The following STX8 variants were observed in gnomAD, a reference collection of about 807,000 sequenced individuals.
STX8 encodes syntaxin 8.
Under a neutral mutation model 37.5 loss-of-function variants are expected in STX8, and 23 were observed. The observed-to-expected ratio is 0.61, with a 90% CI of 0.44 to 0.87. STX8 has a LOEUF of 0.87. Among genes scored for constraint, STX8 ranks in the 40% least tolerant of loss-of-function variants. The pLI is 0.00. For synonymous variants in STX8, 115 were observed against 99.1 expected, an observed-to-expected ratio of 1.16 and a Z score of -0.95; for missense variants, 313 against 284.7, an observed-to-expected ratio of 1.10 and a Z score of -0.71.
chr17:9,561,818 A>C (rs1008795195), intron 2 of STX8, among the ~76,000 whole-genome samples: 1 of 152,188 alleles, frequency 6.6e-6, no homozygotes. Context: ...TATGTGTTCA[A>C]AAGGCTTAAA....
At chr17:9,406,616 A>G (rs78538156) in intron 6 of STX8, among the ~76,000 whole-genome samples, 2,179 of 152,314 alleles carry the variant, frequency 0.014, 57 homozygotes, top group African/African-American at 0.05. Flanking sequence ...GTTTTGATAA[A>G]TTTTAACTTT....
At chr17:9,347,630 C>A (rs1910577642) in intron 7 of STX8, among the ~76,000 whole-genome samples, 1 of 152,162 alleles carries the variant, frequency 6.6e-6, no homozygotes, top group African/African-American at 2.4e-5. Flanking sequence ...GATTCTCCTG[C>A]CTCAGCCTCC....
intron 3 of STX8, among the ~76,000 whole-genome samples, chr17:9,549,406 C>G (rs1267790246): frequency 6.6e-6 from 1 of 152,158 alleles, no homozygotes; most frequent in East Asian, 1.9e-4. Context: ...CCTTAAAGAT[C>G]CCAGTTCTCT....
chr17:9,289,624 C>CA (rs375240342), intron 7 of STX8, among the ~76,000 whole-genome samples: 42 of 134,228 alleles, frequency 3.1e-4, no homozygotes, highest in African/African-American at 1.1e-3. Context: ...AAAAAAAAAA[C>CA]AAAAAATCAG....
At chr17:9,301,947 T>C (rs1030923801) in intron 7 of STX8, among the ~76,000 whole-genome samples, 5 of 152,224 alleles carry the variant, frequency 3.3e-5, no homozygotes, top group African/African-American at 1.2e-4. Flanking sequence ...TAAATTCATA[T>C]AGTGAAATAG....
chr17:9,527,713 T>G (rs1905634147), intron 4 of STX8, among the ~76,000 whole-genome samples: 1 of 152,120 alleles, frequency 6.6e-6, no homozygotes, highest in African/African-American at 2.4e-5. Context: ...ACAAAATCCA[T>G]CAAGTTCTGT....
chr17:9,357,943 C>A (rs1275035753), intron 7 of STX8, among the ~76,000 whole-genome samples: 3 of 152,098 alleles, frequency 2.0e-5, no homozygotes, highest in African/African-American at 4.8e-5. Context: ...GCACAACAGC[C>A]CTCTCTGTAA....
chr17:9,353,331 T>C (rs374447325), intron 7 of STX8, among the ~76,000 whole-genome samples: 2 of 152,236 alleles, frequency 1.3e-5, no homozygotes, highest in East Asian at 3.8e-4. Flanking sequence ...TTAGACTCAG[T>C]TGCTCCTGCA....
chr17:9,431,904 C>CTGG (rs1913998881), intron 6 of STX8, among the ~76,000 whole-genome samples: 1 of 152,118 alleles, frequency 6.6e-6, no homozygotes, highest in African/African-American at 2.4e-5. Flanking sequence ...CATTTTGGTT[C>CTGG]ATAAAACATT....
chr17:9,330,691 G>A (rs537262116), intron 7 of STX8, among the ~76,000 whole-genome samples: 6 of 152,152 alleles, frequency 3.9e-5, no homozygotes, highest in Non-Finnish European at 8.8e-5. Flanking sequence ...GCAGAGCCTC[G>A]TTCGCACTCG....
chr17:9,475,044 T>C (rs1255232255), intron 6 of STX8, among the ~76,000 whole-genome samples: 2 of 152,124 alleles, frequency 1.3e-5, no homozygotes, highest in Non-Finnish European at 2.9e-5. Flanking sequence ...AGCAAAATGA[T>C]TTCTATAGAT....
chr17:9,530,720 T>C (rs1209507313), intron 4 of STX8, among the ~76,000 whole-genome samples: 7 of 152,258 alleles, frequency 4.6e-5, no homozygotes, highest in African/African-American at 1.7e-4. Flanking sequence ...ATTTCCTATG[T>C]CAAATATTAA....
intron 4 of STX8, among the ~76,000 whole-genome samples, chr17:9,543,429 G>T (rs1906366644): frequency 6.6e-6 from 1 of 152,030 alleles, no homozygotes; most frequent in African/African-American, 2.4e-5. Flanking sequence ...GAGTAGCTGG[G>T]ACTACAGGTG....
intron 7 of STX8, among the ~76,000 whole-genome samples, chr17:9,283,458 T>C (rs778646964): frequency 1.9e-4 from 29 of 152,150 alleles, no homozygotes; most frequent in Non-Finnish European, 2.6e-4. Flanking sequence ...GGAGAATCAC[T>C]GAACCTGGGA....
At chr17:9,568,956 G>A (rs543371916) in intron 1 of STX8, among the ~76,000 whole-genome samples, 39 of 152,204 alleles carry the variant, frequency 2.6e-4, no homozygotes, top group Non-Finnish European at 5.0e-4. Flanking sequence ...TGAAGGCTTC[G>A]TTAGTAATAA....
chr17:9,481,388 G>A (rs115882939), intron 6 of STX8, among the ~76,000 whole-genome samples: 3 of 152,084 alleles, frequency 2.0e-5, no homozygotes, highest in African/African-American at 7.2e-5. Context: ...AAGGACAGCG[G>A]TTTCTAACTG....
intron 6 of STX8, among the ~76,000 whole-genome samples, chr17:9,414,219 A>C (rs1407524679): frequency 2.6e-5 from 4 of 151,132 alleles, no homozygotes; most frequent in African/African-American, 9.7e-5. Flanking sequence ...GAGTGAAGGT[A>C]AGTGGTAGCT....
At chr17:9,307,641 C>T (rs1347947274) in intron 7 of STX8, among the ~76,000 whole-genome samples, 1 of 152,132 alleles carries the variant, frequency 6.6e-6, no homozygotes. Context: ...AACAGTTTCC[C>T]ACTATTGTTT....
At chr17:9,473,247 G>A (rs1028370112) in intron 6 of STX8, among the ~76,000 whole-genome samples, 8 of 151,992 alleles carry the variant, frequency 5.3e-5, no homozygotes, top group Non-Finnish European at 7.4e-5. Context: ...TCGAACTCCT[G>A]ACCTCCAGTG....
Sources: gnomAD v4.1 joint callset for allele counts (sites outside exome capture counted in the v4.1 genomes callset) on GRCh38, gnomAD v4.1.1 for gene constraint, MANE v1.5 for transcripts, NCBI Gene and HGNC (gene_info 2026-07-23, HGNC 2026-07-21) for gene names.